Variants in ARPC3 observed in about 807,000 individuals in gnomAD.
ARPC3 encodes actin-related protein 2/3 complex subunit 3.
Under a neutral mutation model 27.6 loss-of-function variants are expected in ARPC3, and 12 were observed. That is an observed-to-expected ratio of 0.43 (90% CI 0.28 to 0.70). The LOEUF is 0.70. ARPC3 is among the 30% of genes least tolerant of loss of function. ARPC3 has a pLI of 0.17. For synonymous variants in ARPC3, 53 were observed against 67.2 expected, an observed-to-expected ratio of 0.79 and a Z score of 1.03; for missense variants, 153 against 207.7, an observed-to-expected ratio of 0.74 and a Z score of 1.62.
chr12:110,445,923 G>C (rs925573529), intron 1 of ARPC3, among the ~76,000 whole-genome samples: 1 of 152,050 alleles, frequency 6.6e-6, no homozygotes, highest in African/African-American at 2.4e-5. Context: ...GGGCAACACA[G>C]TGAAACCCCA....
chr12:110,436,501 G>A (rs906409163), intron 5 of ARPC3, 56 bp downstream of exon 5: 1 of 1,608,820 alleles, frequency 6.2e-7, no homozygotes, highest in Non-Finnish European at 8.5e-7. Flanking sequence ...GTGGTAGGAA[G>A]TCAAATGGAG....
rs2062404834 is a variant in ARPC3, at chr12:110,436,558, A to G, written c.378T>C (p.Asp126=). The G allele has an allele frequency of 2.5e-6, 4 of 1,613,938 alleles. No individual in the cohort carries two copies. The highest frequency in any genetic ancestry group is 2.5e-6 in the Non-Finnish European group (3 of 1,179,972). ...GTGAGGATAGAGACCTGTTCTTACC[A>G]TCTTCCTGTTTGTTTGCAGGTTTGG... is the stretch of plus-strand genomic sequence containing the variant. ...IYAKPANKQE[D]EVMRAYLQQL... The change falls in exon 5 of 7, where the codon GAT becomes GAC. Residue 126 remains aspartate (D), a splice_region_variant and synonymous_variant. Coordinates refer to ENST00000228825, the MANE Select transcript of ARPC3 (RefSeq NM_001278556.2).
At chr12:110,438,911 G>A (rs1040874385) in intron 3 of ARPC3, among the ~76,000 whole-genome samples, 1 of 151,756 alleles carries the variant, frequency 6.6e-6, no homozygotes, top group African/African-American at 2.4e-5. Flanking sequence ...CCAAATTACG[G>A]GCAGAGGCAC....
chr12:110,444,859 G>A (rs1265957986), intron 2 of ARPC3: 1 of 156,244 alleles, frequency 6.4e-6, no homozygotes, highest in Non-Finnish European at 1.4e-5. Flanking sequence ...AGGGTACAGG[G>A]AAACCATGTC....
chr12:110,446,877 G>A (rs2062467421), intron 1 of ARPC3, among the ~76,000 whole-genome samples: 1 of 152,196 alleles, frequency 6.6e-6, no homozygotes, highest in South Asian at 2.1e-4. Flanking sequence ...AAAGTGCTGG[G>A]ATTACAGGCG....
intron 1 of ARPC3, 160 bp from the exon 2 acceptor site, chr12:110,445,711 T>A: frequency 1.5e-6 from 1 of 661,192 alleles, no homozygotes; most frequent in Non-Finnish European, 2.7e-6. Context: ...TGGTTCTTTC[T>A]GGCTCAAGAA....
rs766840621 is a variant in ARPC3 at position 110,445,510 on chromosome 12, G to A, written c.48C>T (p.Ile16=). 19 of 1,613,682 alleles carry A rather than the reference G, an allele frequency of 1.2e-5. No individual in the cohort carries two copies. The highest frequency in any genetic ancestry group is 1.6e-4 in the Middle Eastern group (1 of 6,084). ...SSLMDPDTKL[I]GNMALLPIRS... ...TGATAGGCAACAGTGCCATGTTTCC[G>A]ATGAGTTTGGTATCAGGATCCATGA... Residue 16 remains isoleucine, a synonymous_variant, in exon 2 of 7, where the codon ATC becomes ATT. Coordinates refer to ENST00000228825, the MANE Select transcript of ARPC3 (RefSeq NM_001278556.2).
At chr12:110,448,158 G>A (rs1227228850) in intron 1 of ARPC3, among the ~76,000 whole-genome samples, 1 of 152,026 alleles carries the variant, frequency 6.6e-6, no homozygotes, top group South Asian at 2.1e-4. Flanking sequence ...GGGATTACAG[G>A]CATAAGCCAC....
intron 3 of ARPC3, among the ~76,000 whole-genome samples, chr12:110,437,817 C>G (rs2062414532): frequency 6.6e-6 from 1 of 152,132 alleles, no homozygotes; most frequent in South Asian, 2.1e-4. Flanking sequence ...TTTTAAAAAC[C>G]CTTCCCTTCA....
intron 2 of ARPC3, 184 bp from the exon 3 acceptor site, chr12:110,440,572 A>T: frequency 1.9e-6 from 1 of 537,750 alleles, no homozygotes; most frequent in Non-Finnish European, 3.4e-6. Flanking sequence ...TTTGAGACAG[A>T]GTCTCGCTCT....
At chr12:110,449,672 G>A (rs1483964294) in intron 1 of ARPC3, among the ~76,000 whole-genome samples, 1 of 152,176 alleles carries the variant, frequency 6.6e-6, no homozygotes, top group Non-Finnish European at 1.5e-5. Context: ...CAAACTGGCT[G>A]TCAGAAATTA....
intron 1 of ARPC3, among the ~76,000 whole-genome samples, chr12:110,446,290 C>A (rs1421596496): frequency 2.1e-5 from 3 of 144,412 alleles, no homozygotes; most frequent in Middle Eastern, 3.4e-3. Flanking sequence ...CACCTGGCTA[C>A]TTCCTAATTT....
At chr12:110,450,088 G>A (rs1352049807) in intron 1 of ARPC3, among the ~76,000 whole-genome samples, 167 bp downstream of exon 1, 1 of 151,896 alleles carries the variant, frequency 6.6e-6, no homozygotes, top group Non-Finnish European at 1.5e-5. Context: ...TGGCACCCCC[G>A]GGCCGCCCCA....
chr12:110,436,196 T>C lies in ARPC3; in HGVS notation c.388A>G (p.Arg130Gly). ...PANKQEDEVM[R>G]AYLQQLRQET... ...TGCCTTAGCTGTTGTAAATAGGCTC[T>C]CATCACTTCTAAAACAGAACAATTT... is the stretch of plus-strand genomic sequence containing the variant. The change falls in exon 6 of 7, where the codon AGA becomes GGA. Residue 130 changes from arginine (R) to glycine (G), a missense_variant. Physicochemically the swap from Arg to Gly is moderately radical, Grantham distance 125. Transcript: ENST00000228825. 1 of 1,613,038 alleles carries C rather than the reference T, an allele frequency of 6.2e-7. No homozygotes were observed. The highest frequency in any genetic ancestry group is 2.2e-5 in the East Asian group (1 of 44,866).
rs1433806787 is a variant in ARPC3 at position 110,435,170 on chromosome 12, T to G, written c.522A>C (p.Ser174=). 3.1e-6 allele frequency: 5 copies of G among 1,613,928 alleles called. No individual in the cohort carries two copies. Among genetic ancestry groups the G allele is most frequent in the Non-Finnish European group, 4.2e-6 (5 of 1,179,978 alleles). The change falls in exon 7 of 7, where the codon TCA becomes TCC. Residue 174 remains serine (S), a synonymous_variant. Coordinates refer to ENST00000228825, the MANE Select transcript of ARPC3 (RefSeq NM_001278556.2). Reference sequence around the variant, plus strand: ...CGGGCTCCCTTCACTGTCCAGGTCCTGAAAGACTCTTGTTCATGAACTGTC... The same window carrying G: ...CGGGCTCCCTTCACTGTCCAGGTCCGGAAAGACTCTTGTTCATGAACTGTC... ...VKRQFMNKSL[S]GPGQ is the part of the protein sequence containing the mutation.
At chr12:110,439,465 C>G (rs149720968) in intron 3 of ARPC3, among the ~76,000 whole-genome samples, 1 of 152,112 alleles carries the variant, frequency 6.6e-6, no homozygotes, top group Non-Finnish European at 1.5e-5. Context: ...AATTTGTACA[C>G]CAAGAGTCTA....
At chr12:110,435,344 C>T (rs538218613) in intron 6 of ARPC3, 127 bp from the exon 7 acceptor site, 18 of 738,796 alleles carry the variant, frequency 2.4e-5, no homozygotes, top group South Asian at 8.0e-5. Flanking sequence ...TTTTTTGAGA[C>T]GGAGTCTCGC....
intron 1 of ARPC3, among the ~76,000 whole-genome samples, chr12:110,448,788 G>C (rs1484585484): frequency 9.4e-6 from 1 of 106,736 alleles, no homozygotes; most frequent in Non-Finnish European, 2.0e-5. Flanking sequence ...CGGGGGGGGG[G>C]GGGGTGGTGG....
intron 3 of ARPC3, among the ~76,000 whole-genome samples, 165 bp downstream of exon 3, chr12:110,440,147 A>G (rs1385233727): frequency 6.6e-6 from 1 of 152,236 alleles, no homozygotes; most frequent in Admixed American, 6.5e-5. Flanking sequence ...GGAGGAAAAA[A>G]AAAGAAACTA....
Sources: gnomAD v4.1 joint callset for allele counts (sites outside exome capture counted in the v4.1 genomes callset) on GRCh38, gnomAD v4.1.1 for gene constraint, MANE v1.5 for transcripts, NCBI Gene and HGNC (gene_info 2026-07-23, HGNC 2026-07-21) for gene names.